Variants in RSPH6A observed in about 807,000 individuals in gnomAD.
The protein encoded by RSPH6A is radial spoke head protein 6 homolog A.
RSPH6A carries 49 observed loss-of-function variants against 66.1 expected under a neutral mutation model. That is an observed-to-expected ratio of 0.74 (90% confidence interval 0.59 to 0.94). RSPH6A has a LOEUF of 0.94. RSPH6A is among the 40% of genes least tolerant of loss of function. The pLI, the probability that RSPH6A is intolerant of heterozygous loss-of-function variation, is 0.00. For missense variants in RSPH6A, 977 were observed against 948.3 expected, an observed-to-expected ratio of 1.03 and a Z score of -0.40; for synonymous variants, 419 against 402.4, an observed-to-expected ratio of 1.04 and a Z score of -0.49.
At position 45,801,042 on chromosome 19, in the gene RSPH6A, C is replaced by T. The variant is rs561194937; in HGVS notation, c.1799-479G>A. Among the ~76,000 whole-genome samples the T allele has an allele frequency of 1.1e-4, 16 of 152,302 alleles. No individual in the cohort carries two copies. The South Asian group carries it at 3.1e-3, about 30-fold the overall frequency. ...CGAACTCCTGACCTCAGGTGATCCA[C>T]CCGCCTCAGCCCCCCAAAGTGCTGG... On this transcript the variant is annotated intron_variant, in intron 4 of 5. Transcript: ENST00000221538.
At chr19:45,796,266 G>C (rs902367788) in intron 5 of RSPH6A, among the ~76,000 whole-genome samples, 160 bp from the exon 6 acceptor site, 3 of 150,216 alleles carry the variant, frequency 2.0e-5, no homozygotes, top group African/African-American at 7.4e-5. Context: ...CGATTCTCCT[G>C]CCTCAGCCTC....
chr19:45,807,018 C>T (rs1052196799), intron 2 of RSPH6A, among the ~76,000 whole-genome samples: 3 of 151,388 alleles, frequency 2.0e-5, no homozygotes, highest in South Asian at 4.2e-4. Context: ...CTCAGCCTCC[C>T]CAGTAGCTGG....
In RSPH6A at chr19:45,802,108, G is replaced by T; in HGVS notation, c.1798+12C>A. The T allele has an allele frequency of 6.7e-7, 1 of 1,502,104 alleles. No homozygotes were observed. The highest frequency in any genetic ancestry group is 1.3e-5 in the South Asian group (1 of 74,904). The allele number at this position is 1,502,104 out of a possible 1,614,324, so 93.0% of individuals were successfully genotyped here. A position where few individuals can be genotyped will look rare whatever the true frequency, so the allele number is the denominator to read the frequency against. ...CCAGCCAGTGGTGTACAGGCTGAGA[G>T]GGCTTCCTTACCTGCATCTTCTGAA... On this transcript the variant is annotated intron_variant, in intron 4 of 5. Transcript: ENST00000221538.
intron 1 of RSPH6A, among the ~76,000 whole-genome samples, chr19:45,814,069 G>C (rs186007037): frequency 1.4e-4 from 22 of 152,256 alleles, no homozygotes; most frequent in African/African-American, 5.1e-4. Flanking sequence ...TGAAGCAGAA[G>C]AATCACTTGA....
chr19:45,809,508 G>T (rs1042084090), intron 2 of RSPH6A, among the ~76,000 whole-genome samples: 1 of 139,094 alleles, frequency 7.2e-6, no homozygotes, highest in Admixed American at 7.3e-5. Context: ...GTTTCACTTA[G>T]CCAGGATGGT....
In RSPH6A at chr19:45,814,710, T is replaced by C. The variant is rs1261695467; in HGVS notation, c.467A>G (p.Gln156Arg). Residue 156 changes from glutamine to arginine, a missense_variant, in exon 1 of 6, where the codon CAG becomes CGG. By Grantham distance (43) the Gln-to-Arg change is conservative. Coordinates refer to ENST00000221538, the MANE Select transcript of RSPH6A (RefSeq NM_030785.4). ...LGQFNLYQTD[Q>R]FSEGAQHGPY... ...CCCGTGCTGGGCACCTTCAGAGAAC[T>C]GGTCTGTCTGGTAGAGGTTGAACTG... The C allele has an allele frequency of 2.5e-6, 4 of 1,613,364 alleles. No homozygotes were observed. Among genetic ancestry groups the C allele is most frequent in the Non-Finnish European group, 2.5e-6 (3 of 1,179,632 alleles).
chr19:45,813,592 G>A (rs963138305), intron 1 of RSPH6A, among the ~76,000 whole-genome samples: 2 of 152,186 alleles, frequency 1.3e-5, no homozygotes, highest in African/African-American at 2.4e-5. Flanking sequence ...TGATCCGCCC[G>A]TCTTGGCCTC....
chr19:45,807,171 C>T (rs904472431), intron 2 of RSPH6A, among the ~76,000 whole-genome samples: 2 of 151,576 alleles, frequency 1.3e-5, no homozygotes, highest in Non-Finnish European at 2.9e-5. Flanking sequence ...GGATTACAGG[C>T]CTGAGCCACT....
chr19:45,813,299 G>C (rs1222931758), intron 1 of RSPH6A, among the ~76,000 whole-genome samples: 1 of 151,988 alleles, frequency 6.6e-6, no homozygotes, highest in Non-Finnish European at 1.5e-5. Context: ...GACTCCTTCA[G>C]GGCCCTAATC....
At chr19:45,806,313 AAGAG>A (rs1970542345) in intron 2 of RSPH6A, among the ~76,000 whole-genome samples, 1 of 152,046 alleles carries the variant, frequency 6.6e-6, no homozygotes, top group Non-Finnish European at 1.5e-5. Flanking sequence ...GAAGGAAAGA[AAGAG>A]AAAGACAGAA....
chr19:45,804,817 C>A lies in RSPH6A; in HGVS notation c.1088G>T (p.Arg363Leu), dbSNP rs201879580. 1.2e-5 allele frequency: 19 copies of A among 1,613,948 alleles called. No homozygotes were observed. In the African/African-American group the frequency reaches 2.5e-4, roughly 22 times the overall value. The change falls in exon 3 of 6, where the codon CGG (arginine) becomes CTG (leucine). Residue 363 changes from arginine to leucine, a missense_variant. By Grantham distance (102) the Arg-to-Leu change is moderately radical. Coordinates refer to ENST00000221538, the MANE Select transcript of RSPH6A (RefSeq NM_030785.4). The surrounding 1 kb of genome is among the most constrained non-coding windows in gnomAD (Gnocchi z 5.8). Reference protein sequence around the residue: ...RSYLVAEVEFREGEEEAEEEE... With the variant: ...RSYLVAEVEFLEGEEEAEEEE... ...CTCCTCTGCCTCCTCCTCGCCCTCC[C>A]GGAATTCCACCTCGGCCACCAGGTA...
At chr19:45,807,980 C>G (rs573163866) in intron 2 of RSPH6A, among the ~76,000 whole-genome samples, 1 of 152,320 alleles carries the variant, frequency 6.6e-6, no homozygotes, top group South Asian at 2.1e-4. Context: ...CCTGACGATT[C>G]TGTGTGAGAA....
At chr19:45,800,866 C>T (rs1417829043) in intron 4 of RSPH6A, among the ~76,000 whole-genome samples, 3 of 150,880 alleles carry the variant, frequency 2.0e-5, no homozygotes, top group Admixed American at 1.3e-4. Flanking sequence ...GGTGTGAGCT[C>T]GACTCACTGC....
intron 5 of RSPH6A, among the ~76,000 whole-genome samples, chr19:45,800,151 G>C (rs965737379): frequency 1.3e-5 from 2 of 152,178 alleles, no homozygotes; most frequent in Non-Finnish European, 2.9e-5. Context: ...TGTCATCAGG[G>C]GGCTGGAGAT....
rs1035069991 is a variant in RSPH6A at position 45,800,570 on chromosome 19, T to A, written c.1799-7A>T. The A allele has an allele frequency of 1.2e-6, 2 of 1,607,462 alleles. No homozygotes were observed. The highest frequency in any genetic ancestry group is 1.7e-6 in the Non-Finnish European group (2 of 1,176,874). The stretch of plus-strand genomic sequence containing the variant: ...GGTGCCAGGTGCATGATTTCTGTGG[T>A]GGAGAGGCAGCAGAGGGGGGCAGCA... On this transcript the variant is annotated splice_region_variant and splice_polypyrimidine_tract_variant and intron_variant, in intron 4 of 5. Transcript: ENST00000221538.
chr19:45,800,333 T>C, intron 5 of RSPH6A, 113 bp downstream of exon 5: 1 of 884,744 alleles, frequency 1.1e-6, no homozygotes, highest in Non-Finnish European at 1.8e-6. Context: ...CCTTGGGGCT[T>C]CCTGAAGGGG....
rs187403496 is a variant in RSPH6A at position 45,811,444 on chromosome 19, T to A, written c.651-604A>T. 2.4e-3 allele frequency among the ~76,000 whole-genome samples: 361 copies of A among 152,184 alleles called. 4 individuals carry two copies. The highest frequency in any genetic ancestry group is 3.4e-3 in the Middle Eastern group (1 of 294). On this transcript the variant is annotated intron_variant, in intron 1 of 5. Transcript: ENST00000221538. The stretch of plus-strand genomic sequence containing the variant: ...GAGAAGGTTTGCAATTTTATTTTTT[T>A]AATTTATTTTTCAGAGGAGGTCTCG...
chr19:45,798,273 G>A (rs576591327), intron 5 of RSPH6A, among the ~76,000 whole-genome samples: 12 of 151,958 alleles, frequency 7.9e-5, no homozygotes, highest in Non-Finnish European at 1.3e-4. Flanking sequence ...GCAGGAGGAC[G>A]GCTTGAACCT....
Position 45,804,318 on chromosome 19 carries a change from G to T in RSPH6A, c.1587C>A (p.Ile529=). ...TGGAGTCGACCAGCTCCAGCACGGGGATGCCCTCGAAGTCCGGGTTCTCCT... is the reference window on the plus strand; with the variant it reads ...TGGAGTCGACCAGCTCCAGCACGGGTATGCCCTCGAAGTCCGGGTTCTCCT... ...SYEENPDFEG[I]PVLELVDSMA... Residue 529 remains isoleucine (I), a synonymous_variant, in exon 3 of 6, where the codon ATC becomes ATA. Transcript: ENST00000221538. The surrounding 1 kb of genome is among the most constrained non-coding windows in gnomAD (Gnocchi z 5.8). 1.2e-6 allele frequency: 2 copies of T among 1,614,198 alleles called. No individual in the cohort carries two copies. The highest frequency in any genetic ancestry group is 1.7e-6 in the Non-Finnish European group (2 of 1,180,032).
Sources: gnomAD v4.1 joint callset for allele counts (sites outside exome capture counted in the v4.1 genomes callset) on GRCh38, gnomAD v4.1.1 for gene constraint, Gnocchi (gnomAD v3.1) non-coding constraint, MANE v1.5 for transcripts, NCBI Gene and HGNC (gene_info 2026-07-23, HGNC 2026-07-21) for gene names.